The following THSD7B variants were observed in gnomAD, a reference collection of about 807,000 sequenced individuals.
THSD7B encodes thrombospondin type 1 domain containing 7B, also known as thrombospondin type-1 domain-containing protein 7B.
A neutral mutation model predicts 213.6 loss-of-function variants in THSD7B; 138 were observed. The observed-to-expected ratio is 0.65, with a 90% CI of 0.56 to 0.74. THSD7B has a LOEUF of 0.74. THSD7B is among the 30% of genes least tolerant of loss of function. THSD7B has a pLI of 0.00. For synonymous variants in THSD7B, 742 were observed against 687.0 expected (o/e 1.08, Z -1.25); for missense variants, 1,931 against 1,991.5 (o/e 0.97, Z 0.58).
chr2:137,667,597 A>G (rs1416709558), intron 26 of THSD7B, among the ~76,000 whole-genome samples, 177 bp from the exon 27 acceptor site: 2 of 152,216 alleles, frequency 1.3e-5, no homozygotes, highest in Non-Finnish European at 2.9e-5. Flanking sequence ...GGCAATTTAC[A>G]GAGTATGCTA....
At chr2:137,077,923 T>C (rs1364901104) in intron 3 of THSD7B, among the ~76,000 whole-genome samples, 2 of 152,214 alleles carry the variant, frequency 1.3e-5, no homozygotes. Context: ...TGAATGGTAT[T>C]GCCTAGGTTT....
At chr2:137,486,639 G>A (rs1282364884) in intron 15 of THSD7B, among the ~76,000 whole-genome samples, 7,255 of 150,564 alleles carry the variant, frequency 0.048, 223 homozygotes, top group Non-Finnish European at 0.068. Flanking sequence ...TGCACCAAGC[G>A]GACCTAATAG....
intron 12 of THSD7B, among the ~76,000 whole-genome samples, chr2:137,394,983 G>T (rs998535852): frequency 3.4e-5 from 5 of 146,722 alleles, no homozygotes; most frequent in Non-Finnish European, 7.5e-5. Flanking sequence ...TGGTGTATAA[G>T]AATGCTTGTG....
At chr2:137,509,423 G>A (rs527459904) in intron 15 of THSD7B, among the ~76,000 whole-genome samples, 17 of 144,722 alleles carry the variant, frequency 1.2e-4, no homozygotes, top group Non-Finnish European at 2.4e-4. Flanking sequence ...TTAAAATTTG[G>A]CCATTTTAAG....
At chr2:136,782,618 G>T (rs906207905) in intron 1 of THSD7B, among the ~76,000 whole-genome samples, 2 of 152,058 alleles carry the variant, frequency 1.3e-5, no homozygotes, top group Admixed American at 1.3e-4. Context: ...TGAGGCTGGG[G>T]TGGTTGGGGG....
intron 1 of THSD7B, among the ~76,000 whole-genome samples, chr2:136,790,048 T>C (rs960505314): frequency 6.6e-6 from 1 of 151,834 alleles, no homozygotes; most frequent in African/African-American, 2.4e-5. Flanking sequence ...CTTACCAAAT[T>C]GTAAGCTTAC....
chr2:137,057,319 G>A (rs1392841999), intron 3 of THSD7B, 89 bp downstream of exon 3: 5 of 1,269,374 alleles, frequency 3.9e-6, no homozygotes, highest in Admixed American at 3.0e-5. Flanking sequence ...TCTACAAAGC[G>A]AAAATGGCAA....
chr2:137,244,866 G>A (rs558553446), intron 10 of THSD7B, among the ~76,000 whole-genome samples: 1 of 152,132 alleles, frequency 6.6e-6, no homozygotes, highest in South Asian at 2.1e-4. Context: ...CTATAAGAGG[G>A]GGAAAAATTT....
intron 7 of THSD7B, among the ~76,000 whole-genome samples, chr2:137,174,299 A>C (rs1380906903): frequency 6.6e-6 from 1 of 152,160 alleles, no homozygotes; most frequent in Non-Finnish European, 1.5e-5. Flanking sequence ...CTTGACCAAG[A>C]TTCTGTAGGG....
chr2:136,846,510 G>A (rs920507138), intron 1 of THSD7B, among the ~76,000 whole-genome samples: 1 of 152,052 alleles, frequency 6.6e-6, no homozygotes, highest in Admixed American at 6.6e-5. Context: ...TTTTCTTTAG[G>A]TATGAAGCTA....
rs1455127441 is a variant in THSD7B at position 137,056,637 on chromosome 2, C to T, written c.357C>T (p.Tyr119=). The change falls in exon 3 of 28, where the codon TAC becomes TAT. Residue 119 remains tyrosine (Y), a synonymous_variant. Coordinates refer to ENST00000409968, the MANE Select transcript of THSD7B (RefSeq NM_001316349.2). Reference sequence around the variant, plus strand: ...GGCACCACTGTGTGCTTGTTCCTTACGCTCGCGGTGAAGTCAAGCCTCGGA... The same window carrying T: ...GGCACCACTGTGTGCTTGTTCCTTATGCTCGCGGTGAAGTCAAGCCTCGGA... ...SDWHHCVLVP[Y]ARGEVKPRTA... 5 of 1,613,842 alleles carry T rather than the reference C, an allele frequency of 3.1e-6. No individual in the cohort carries two copies. The highest frequency in any genetic ancestry group is 1.7e-5 in the Admixed American group (1 of 60,004).
chr2:137,281,249 T>A (rs1211562507), intron 12 of THSD7B, among the ~76,000 whole-genome samples: 1 of 152,114 alleles, frequency 6.6e-6, no homozygotes, highest in Non-Finnish European at 1.5e-5. Context: ...CTGTCTGTTT[T>A]TCTTTGCATT....
chr2:137,115,625 T>G lies in THSD7B; in HGVS notation c.1369+332T>G, dbSNP rs114217823. On this transcript the variant is annotated intron_variant, in intron 5 of 27. Coordinates refer to ENST00000409968, the MANE Select transcript of THSD7B (RefSeq NM_001316349.2). Reference sequence around the variant, plus strand: ...AATGAATGAATGGCATTCTTTTTTGTTTTTTAATTTTTTGCTCAAAGGAAT... The same window carrying G: ...AATGAATGAATGGCATTCTTTTTTGGTTTTTAATTTTTTGCTCAAAGGAAT... 2.3e-3 allele frequency among the ~76,000 whole-genome samples: 348 copies of G among 152,272 alleles called. 3 individuals carry two copies. Among genetic ancestry groups the G allele is most frequent in the African/African-American group, 7.7e-3 (319 of 41,546 alleles).
chr2:136,978,360 C>T (rs943435808), intron 2 of THSD7B, among the ~76,000 whole-genome samples: 36 of 152,078 alleles, frequency 2.4e-4, no homozygotes, highest in African/African-American at 8.7e-4. Flanking sequence ...TTTTCTGTGT[C>T]GATGATCTGT....
intron 2 of THSD7B, among the ~76,000 whole-genome samples, chr2:136,886,679 C>G (rs955382857): frequency 6.6e-6 from 1 of 152,080 alleles, no homozygotes; most frequent in Non-Finnish European, 1.5e-5. Context: ...GTTGAGAAAC[C>G]CTGAGTTAAG....
chr2:137,134,707 C>G lies in THSD7B; in HGVS notation c.1369+19414C>G, dbSNP rs144658296. 6.2e-4 allele frequency among the ~76,000 whole-genome samples: 94 copies of G among 152,290 alleles called. No homozygotes were observed. The Middle Eastern group carries it at 0.01, about 17-fold the overall frequency. On this transcript the variant is annotated intron_variant, in intron 5 of 27. Coordinates refer to ENST00000409968, the MANE Select transcript of THSD7B (RefSeq NM_001316349.2). ...GAGACACTGGTTATATACATTCCCT[C>G]TTTATTCTGGGCTGCAATTTATCTG...
At chr2:136,914,620 A>G (rs1684321528) in intron 2 of THSD7B, among the ~76,000 whole-genome samples, 1 of 152,160 alleles carries the variant, frequency 6.6e-6, no homozygotes, top group South Asian at 2.1e-4. Context: ...AAGTCTCATG[A>G]GATCTGATGG....
At chr2:137,234,987 C>T (rs1049262584) in intron 9 of THSD7B, among the ~76,000 whole-genome samples, 4 of 152,022 alleles carry the variant, frequency 2.6e-5, no homozygotes, top group Admixed American at 1.3e-4. Context: ...TTCAACTTAC[C>T]TGGTAGCCAT....
chr2:137,110,820 T>A (rs1688334415), intron 4 of THSD7B, among the ~76,000 whole-genome samples: 1 of 152,226 alleles, frequency 6.6e-6, no homozygotes, highest in Non-Finnish European at 1.5e-5. Flanking sequence ...CCCATAAGAT[T>A]GTAATACTTT....
Sources: allele counts gnomAD v4.1 joint callset (sites outside exome capture counted in the v4.1 genomes callset), GRCh38; gene constraint gnomAD v4.1.1; transcripts MANE v1.5; gene names NCBI Gene and HGNC (gene_info 2026-07-23, HGNC 2026-07-21).